Variants in DLG3 observed in about 807,000 individuals in gnomAD.
DLG3 encodes the protein disks large homolog 3.
A neutral mutation model predicts 64.1 loss-of-function variants in DLG3; 1 was observed. That is an observed-to-expected ratio of 0.02 (90% confidence interval 0.01 to 0.07). The LOEUF (loss-of-function observed/expected upper bound fraction) is 0.07. DLG3 is among the 10% of genes least tolerant of loss of function. The pLI, the probability that DLG3 is intolerant of heterozygous loss-of-function variation, is 1.00. For synonymous variants in DLG3, 245 were observed against 259.8 expected, an observed-to-expected ratio of 0.94 and a Z score of 0.55; for missense variants, 429 against 669.5, an observed-to-expected ratio of 0.64 and a Z score of 3.96.
At chrX:70,487,567 C>T (rs997947381) in intron 10 of DLG3, among the ~76,000 whole-genome samples, 4 of 112,157 alleles carry the variant, frequency 3.6e-5, no homozygotes, top group Non-Finnish European at 7.5e-5. Flanking sequence ...ATACTACACC[C>T]TCTGTCACCT....
intron 9 of DLG3, among the ~76,000 whole-genome samples, chrX:70,477,366 T>C (rs1237396108): frequency 8.9e-6 from 1 of 112,239 alleles, no homozygotes; most frequent in African/African-American, 3.2e-5. Flanking sequence ...GTTCTGCCCA[T>C]AGCCGGTGAG....
intron 10 of DLG3, among the ~76,000 whole-genome samples, chrX:70,483,124 A>G (rs2087194503): frequency 9.1e-6 from 1 of 110,028 alleles, no homozygotes; most frequent in African/African-American, 3.3e-5. Flanking sequence ...TAAAAAGTAA[A>G]AAGTTTTTAA....
At chrX:70,476,861 T>A (rs2087062353) in intron 9 of DLG3, among the ~76,000 whole-genome samples, 1 of 112,538 alleles carries the variant, frequency 8.9e-6, no homozygotes, top group Non-Finnish European at 1.9e-5. Flanking sequence ...TTTAGATAAA[T>A]CTACAAATAA....
chrX:70,496,366 C>G (rs2087454539), intron 13 of DLG3, among the ~76,000 whole-genome samples: 1 of 112,244 alleles, frequency 8.9e-6, no homozygotes, highest in African/African-American at 3.2e-5. Context: ...CAGCATCTCT[C>G]TCCATAGTTT....
At chrX:70,487,032 T>TA (rs1354916968) in intron 10 of DLG3, among the ~76,000 whole-genome samples, 7 of 112,179 alleles carry the variant, frequency 6.2e-5, no homozygotes, top group Admixed American at 1.9e-4. Flanking sequence ...TCAATATTTT[T>TA]AAAAAAATTA....
chrX:70,453,564 G>C, intron 7 of DLG3, 73 bp from the exon 8 acceptor site: 1 of 1,179,080 alleles, frequency 8.5e-7, no homozygotes, highest in Admixed American at 2.3e-5. Context: ...TATGGACCTT[G>C]TTCCAGGCTG....
intron 10 of DLG3, among the ~76,000 whole-genome samples, chrX:70,489,674 G>A: frequency 9.0e-6 from 1 of 111,357 alleles, no homozygotes; most frequent in Non-Finnish European, 1.9e-5. Context: ...TGGATTCCCG[G>A]CATCTAGAAA....
In DLG3 at chrX:70,453,692, G is replaced by A; in HGVS notation, c.1201G>A (p.Val401Ile). The change falls in exon 8 of 19, where the codon GTA becomes ATA. Residue 401 changes from valine to isoleucine, a missense_variant. This residue lies in a region of DLG3 where 7 missense variants were observed against 32.0 expected (regional missense o/e 0.22). Transcript: ENST00000374360. The part of the protein sequence containing the change: ...KGSTGLGFNI[V>I]GGEDGEGIFV... ...CTCCACAGGCCTGGGCTTCAACATC[G>A]TAGGAGGAGAGGATGGAGAAGGCAT... 8.3e-7 allele frequency: 1 copy of A among 1,208,660 alleles called. No individual in the cohort carries two copies. The highest frequency in any genetic ancestry group is 1.1e-6 in the Non-Finnish European group (1 of 893,972).
chrX:70,498,202 G>T (rs2087490245), intron 13 of DLG3, among the ~76,000 whole-genome samples: 1 of 112,704 alleles, frequency 8.9e-6, no homozygotes, highest in African/African-American at 3.2e-5. Flanking sequence ...GAGCAAGGGG[G>T]CTACTGCACA....
At chrX:70,490,154 C>T (rs759992445) in intron 10 of DLG3, among the ~76,000 whole-genome samples, 41 of 112,308 alleles carry the variant, frequency 3.7e-4, no homozygotes, top group Non-Finnish European at 6.0e-4. Context: ...TGAGCCACCG[C>T]GCCCGGCCTC....
At chrX:70,451,322 C>T (rs2086616220) in intron 6 of DLG3, among the ~76,000 whole-genome samples, 2 of 111,020 alleles carry the variant, frequency 1.8e-5, no homozygotes, top group South Asian at 7.7e-4. Flanking sequence ...AGGATGGTCT[C>T]GATCTCCTGA....
At chrX:70,447,233 C>T (rs778290763) in intron 1 of DLG3, among the ~76,000 whole-genome samples, 7 of 111,489 alleles carry the variant, frequency 6.3e-5, no homozygotes, top group African/African-American at 1.6e-4. Context: ...CCACTGGGAA[C>T]GGGAAGCCTC....
Position 70,487,616 on chromosome X carries a change from TC to T in DLG3, c.1521-4488del, listed in dbSNP as rs2087276926. 3.6e-5 allele frequency among the ~76,000 whole-genome samples: 4 copies of T among 111,891 alleles called. No individual in the cohort carries two copies. The South Asian group carries it at 1.5e-3, about 43-fold the overall frequency. ...AGACAATAAACTTTGTTCTTGTATC[TC>T]CCATGTATCTAACACATACTCCGTA... On this transcript the variant is annotated intron_variant, in intron 10 of 18. Coordinates refer to ENST00000374360, the MANE Select transcript of DLG3 (RefSeq NM_021120.4).
At chrX:70,455,266 G>A in intron 9 of DLG3, 1 of 753,260 alleles carries the variant, frequency 1.3e-6, no homozygotes, top group Middle Eastern at 7.6e-4. Context: ...GGCGCCAGGT[G>A]AGGTGGGGCG....
chrX:70,502,020 C>T, intron 18 of DLG3, 143 bp from the exon 19 acceptor site: 1 of 514,591 alleles, frequency 1.9e-6, no homozygotes, highest in Non-Finnish European at 3.4e-6. Context: ...AGCCCAAACC[C>T]ATACTCCTGG....
At chrX:70,479,936 T>G (rs1487464650) in intron 10 of DLG3, among the ~76,000 whole-genome samples, 2 of 111,765 alleles carry the variant, frequency 1.8e-5, no homozygotes, top group Non-Finnish European at 3.8e-5. Flanking sequence ...AGGCATAGCT[T>G]AATACTTTGT....
rs2087577171 is a variant in DLG3 at position 70,502,174 on chromosome X, G to A, written c.2359G>A (p.Gly787Ser). 1 of 1,205,760 alleles carries A rather than the reference G, an allele frequency of 8.3e-7. No individual in the cohort carries two copies. The change falls in exon 19 of 19, where the codon GGT becomes AGT. Residue 787 changes from glycine to serine, a missense_variant. Physicochemically the swap from Gly to Ser is moderately conservative, Grantham distance 56. Transcript: ENST00000374360. ...FGEYFTAIVQ[G>S]DSLEEIYNKI... ...CCTCTTCACTTTAGCCATTGTACAG[G>A]GTGACTCACTGGAAGAGATTTATAA...
intron 9 of DLG3, chrX:70,454,978 G>A (rs1481708390): frequency 6.8e-6 from 5 of 737,975 alleles, no homozygotes; most frequent in Non-Finnish European, 8.0e-6. Context: ...GTGAGCCGCG[G>A]GAAGGCGCGC....
intron 13 of DLG3, among the ~76,000 whole-genome samples, chrX:70,495,930 G>A (rs1234007647): frequency 1.8e-5 from 2 of 111,401 alleles, no homozygotes; most frequent in Non-Finnish European, 3.8e-5. Context: ...CATCTGAGAT[G>A]TCCCAGCAGA....
Sources: gnomAD v4.1 joint callset for allele counts (sites outside exome capture counted in the v4.1 genomes callset) on GRCh38, gnomAD v4.1.1 for gene constraint, gnomAD v4.1.1 regional missense constraint, MANE v1.5 for transcripts, NCBI Gene and HGNC (gene_info 2026-07-23, HGNC 2026-07-21) for gene names.